LIMS2: variants seen among roughly 807,000 people sequenced by gnomAD.
LIMS2 encodes LIM zinc finger domain containing 2, also known as LIM and senescent cell antigen-like-containing domain protein 2.
Under a neutral mutation model 45.3 loss-of-function variants are expected in LIMS2, and 30 were observed. The ratio of observed to expected loss-of-function variants is 0.66; its 90% CI spans 0.50 to 0.90. The LOEUF is 0.90. Ranked by LOEUF, LIMS2 falls within the 40% of genes least tolerant of loss-of-function variation. The pLI is 0.00. For synonymous variants in LIMS2, 173 were observed against 188.0 expected (o/e 0.92, Z 0.65); for missense variants, 485 against 468.7 (o/e 1.03, Z -0.32).
At chr2:127,674,757 G>A in intron 1 of LIMS2, 9 of 985,406 alleles carry the variant, frequency 9.1e-6, no homozygotes, top group Non-Finnish European at 1.1e-5. Flanking sequence ...GTGAGCAGAC[G>A]GCTGTCCCAT....
Position 127,654,516 on chromosome 2 carries a change from C to T in LIMS2, c.267G>A (p.Lys89=), listed in dbSNP as rs201216208. Residue 89 remains lysine (K), a synonymous_variant, in exon 4 of 10, where the codon AAG becomes AAA. Transcript: ENST00000355119. ...CCGGGTGCCAGTTGTTGTTCATGGC[C>T]TTGATGACGCGGCCAATGATGAACT... ...CGEFIIGRVI[K]AMNNNWHPGC... 2 of 1,614,158 alleles carry T rather than the reference C, an allele frequency of 1.2e-6. No individual in the cohort carries two copies. Among genetic ancestry groups the T allele is most frequent in the Non-Finnish European group, 1.7e-6 (2 of 1,180,016 alleles).
chr2:127,655,053 G>GTGTCCTCTCTGGCC, intron 2 of LIMS2, 157 bp from the exon 3 acceptor site: 2 of 731,698 alleles, frequency 2.7e-6, no homozygotes, highest in Non-Finnish European at 4.9e-6. Context: ...GGCCTGGCCA[G>GTGTCCTCTCTGGCC]AGAGGACACT....
At chr2:127,668,695 A>ACC (rs1685140295) in intron 1 of LIMS2, among the ~76,000 whole-genome samples, 3 of 117,342 alleles carry the variant, frequency 2.6e-5, no homozygotes, top group East Asian at 2.3e-4. Flanking sequence ...AAAAAAAAAA[A>ACC]AAAAAAAAAA....
chr2:127,673,593 G>T, intron 1 of LIMS2: 1 of 1,362,008 alleles, frequency 7.3e-7, no homozygotes, highest in Non-Finnish European at 1.0e-6. Flanking sequence ...GGCACCTCGG[G>T]GCCTCCCATT....
upstream of LIMS2, among the ~76,000 whole-genome samples, chr2:127,675,659 C>G (rs1427793138): frequency 6.6e-6 from 1 of 152,180 alleles, no homozygotes; most frequent in Non-Finnish European, 1.5e-5. Flanking sequence ...TGGGCCGCCC[C>G]AACCGCAAAC....
At chr2:127,677,403 C>A (rs1177800582), upstream of LIMS2, among the ~76,000 whole-genome samples, 2 of 152,072 alleles carry the variant, frequency 1.3e-5, no homozygotes, top group Non-Finnish European at 2.9e-5. This position sits in a 1 kb window ranked among gnomAD's most constrained non-coding sequence, Gnocchi z 5.0. Flanking sequence ...GTGGTGGCTG[C>A]TTTAGAGTGA....
chr2:127,659,938 G>T (rs185131711), intron 1 of LIMS2, among the ~76,000 whole-genome samples: 1 of 152,170 alleles, frequency 6.6e-6, no homozygotes, highest in Non-Finnish European at 1.5e-5. Flanking sequence ...GACTTTCCTT[G>T]TGGTTATGGG....
In LIMS2 at chr2:127,639,112, A is replaced by C; in HGVS notation, c.*169T>G. 1.4e-6 allele frequency: 1 copy of C among 699,358 alleles called. No individual in the cohort carries two copies. The highest frequency in any genetic ancestry group is 2.3e-6 in the Non-Finnish European group (1 of 430,432). The allele number at this position is 699,358 out of a possible 1,614,324, so 43.3% of individuals were successfully genotyped here. On this transcript the variant is annotated 3_prime_UTR_variant, in exon 10 of 10. Transcript: ENST00000355119. ...CAGAAGCCACGGCCAAGGAGAGGAG[A>C]GACATGGGGAAGGCAGAGATGAGGG...
At chr2:127,662,183 C>T (rs894099359) in intron 1 of LIMS2, among the ~76,000 whole-genome samples, 1 of 152,218 alleles carries the variant, frequency 6.6e-6, no homozygotes, top group African/African-American at 2.4e-5. Flanking sequence ...GCACAGGACT[C>T]TGAACCTCAA....
intron 2 of LIMS2, 136 bp from the exon 3 acceptor site, chr2:127,655,032 A>G: frequency 1.2e-6 from 1 of 808,798 alleles, no homozygotes; most frequent in Non-Finnish European, 2.1e-6. Flanking sequence ...AGGCTGGAGC[A>G]GTGGGTCCCA....
chr2:127,642,629 C>G lies in LIMS2; in HGVS notation c.509+294G>C. ...TCTCTTGCCCTGCCCCCTCAGGTCC[C>G]TTCCACTGCTCCATCTCAACCCTCG... On this transcript the variant is annotated intron_variant, in intron 5 of 9. Coordinates refer to ENST00000355119, the MANE Select transcript of LIMS2 (RefSeq NM_001161403.3). The surrounding 1 kb of genome is among the most constrained non-coding windows in gnomAD (Gnocchi z 5.3). The G allele has an allele frequency of 2.2e-6, 1 of 445,384 alleles. No individual in the cohort carries two copies. The highest frequency in any genetic ancestry group is 3.1e-5 in the South Asian group (1 of 31,852). 27.6% of individuals were successfully genotyped at this position (445,384 alleles called of 1,614,324 possible).
At chr2:127,668,696 A>AC (rs1685140855) in intron 1 of LIMS2, among the ~76,000 whole-genome samples, 16 of 112,914 alleles carry the variant, frequency 1.4e-4, no homozygotes, top group South Asian at 5.8e-4. Context: ...AAAAAAAAAA[A>AC]AAAAAAAAAA....
upstream of LIMS2, among the ~76,000 whole-genome samples, chr2:127,679,406 TC>T (rs1230177636): frequency 6.6e-6 from 1 of 151,822 alleles, no homozygotes; most frequent in Non-Finnish European, 1.5e-5. This position sits in a 1 kb window ranked among gnomAD's most constrained non-coding sequence, Gnocchi z 5.3. Context: ...TGAGGGACAT[TC>T]AGAGAGTGGC....
chr2:127,650,833 T>A (rs1683681322), intron 4 of LIMS2: 1 of 1,613,996 alleles, frequency 6.2e-7, no homozygotes, highest in Admixed American at 1.7e-5. Flanking sequence ...GAGAACATGC[T>A]GTTCGCCTCC....
chr2:127,660,567 T>C (rs1188388299), intron 1 of LIMS2, among the ~76,000 whole-genome samples: 3 of 152,194 alleles, frequency 2.0e-5, no homozygotes, highest in African/African-American at 7.2e-5. Flanking sequence ...CCTTCACTTC[T>C]GAAGTCAGTA....
Position 127,649,914 on chromosome 2 carries a change from C to G in LIMS2, c.359+4510G>C, listed in dbSNP as rs1212751911. The G allele has an allele frequency of 3.0e-6, 3 of 987,040 alleles. No individual in the cohort carries two copies. The African/African-American group carries it at 4.9e-5, about 16-fold the overall frequency. 61.1% of individuals were successfully genotyped at this position (987,040 alleles called of 1,614,324 possible). A position where few individuals can be genotyped will look rare whatever the true frequency, so the allele number is the denominator to read the frequency against. ...TTCCCCTCCTGGAAGAGATGCTGCC[C>G]CCTGGTGGTGGATCTACTCTGGGAG... is the stretch of plus-strand genomic sequence containing the variant. On this transcript the variant is annotated intron_variant, in intron 4 of 9. Transcript: ENST00000355119.
intron 4 of LIMS2, chr2:127,646,083 C>G (rs7588092): frequency 1.3e-5 from 2 of 152,564 alleles, no homozygotes. Flanking sequence ...AATGAAGCAG[C>G]CTTTCAGGGC....
chr2:127,680,090 C>T (rs1302522514), upstream of LIMS2, among the ~76,000 whole-genome samples: 1 of 152,228 alleles, frequency 6.6e-6, no homozygotes, highest in Non-Finnish European at 1.5e-5. Context: ...AAGTTCAAAG[C>T]CTTCAGCCGC....
chr2:127,673,804 G>A (rs927792750), intron 1 of LIMS2: 6 of 1,481,812 alleles, frequency 4.0e-6, no homozygotes, highest in Non-Finnish European at 1.8e-6. Context: ...AAAATGGGAG[G>A]CAGCCCCGCT....
Sources: gnomAD v4.1 joint callset for allele counts (sites outside exome capture counted in the v4.1 genomes callset) on GRCh38, gnomAD v4.1.1 for gene constraint, Gnocchi (gnomAD v3.1) non-coding constraint, MANE v1.5 for transcripts, NCBI Gene and HGNC (gene_info 2026-07-23, HGNC 2026-07-21) for gene names.